The following BBS9 variants were observed in gnomAD, a reference collection of about 807,000 sequenced individuals.
BBS9 encodes Bardet-Biedl syndrome 9.
BBS9 carries 89 observed loss-of-function variants against 117.7 expected under a neutral mutation model. The ratio of observed to expected loss-of-function variants is 0.76; its 90% CI spans 0.64 to 0.90. The LOEUF (loss-of-function observed/expected upper bound fraction) is 0.90. Among genes scored for constraint, BBS9 ranks in the 40% least tolerant of loss-of-function variants. The pLI is 0.00. For missense variants in BBS9, 982 were observed against 1,042.2 expected (o/e 0.94, Z 0.80); for synonymous variants, 379 against 370.9 (o/e 1.02, Z -0.25).
chr7:33,381,511 AT>A, intron 17 of BBS9, among the ~76,000 whole-genome samples: 1 of 152,070 alleles, frequency 6.6e-6, no homozygotes. Flanking sequence ...ATAAGACTAG[AT>A]TTAAAAGGTT....
At chr7:33,313,826 A>G (rs1809853890) in intron 9 of BBS9, among the ~76,000 whole-genome samples, 1 of 152,230 alleles carries the variant, frequency 6.6e-6, no homozygotes, top group Non-Finnish European at 1.5e-5. Flanking sequence ...AGCCATTTAC[A>G]TAAACCTCAA....
chr7:33,248,608 A>G (rs1284243053), intron 5 of BBS9, among the ~76,000 whole-genome samples: 6 of 152,192 alleles, frequency 3.9e-5, no homozygotes, highest in Non-Finnish European at 8.8e-5. Flanking sequence ...TTAAGGCAGT[A>G]TCTGTTGGAA....
intron 21 of BBS9, among the ~76,000 whole-genome samples, chr7:33,591,979 G>C (rs1425193260): frequency 2.0e-5 from 3 of 151,974 alleles, no homozygotes; most frequent in Non-Finnish European, 4.4e-5. Context: ...CATTTTAAAA[G>C]GGATGTGTAC....
intron 19 of BBS9, among the ~76,000 whole-genome samples, chr7:33,403,806 T>C (rs1829398741): frequency 6.6e-6 from 1 of 152,098 alleles, no homozygotes; most frequent in South Asian, 2.1e-4. Context: ...AGCAGCATGA[T>C]TTATAGTCCT....
At chr7:33,194,945 G>A (rs1583570104) in intron 5 of BBS9, among the ~76,000 whole-genome samples, 1 of 152,174 alleles carries the variant, frequency 6.6e-6, no homozygotes, top group Admixed American at 6.5e-5. Flanking sequence ...TTTCATACTG[G>A]GAGACTGGAG....
chr7:33,399,280 T>A (rs6968244), intron 19 of BBS9, among the ~76,000 whole-genome samples: 4,330 of 152,308 alleles, frequency 0.028, 198 homozygotes, highest in African/African-American at 0.093. Flanking sequence ...AGACTATCAC[T>A]GAGCCAATGA....
chr7:33,492,208 AAAAAACAAAAAAAAAAC>A lies in BBS9; in HGVS notation c.2116-13249_2116-13233del, dbSNP rs1844038442. ...ACAAAGCAAGATTCCACCTCGAAAAAAAAAACAAAAAAAAAACAAAAAAAAAACTTGGTTGAGTGTTT... is the reference window on the plus strand; with the variant it reads ...ACAAAGCAAGATTCCACCTCGAAAAAAAAAAAAAAACTTGGTTGAGTGTTT... On this transcript the variant is annotated intron_variant, in intron 19 of 22. Transcript: ENST00000242067. Among the ~76,000 whole-genome samples the A allele has an allele frequency of 3.4e-5, 5 of 147,878 alleles. No homozygotes were observed. The South Asian group carries it at 1.1e-3, about 33-fold the overall frequency.
chr7:33,600,137 A>T (rs1458539722), intron 21 of BBS9, among the ~76,000 whole-genome samples: 2 of 152,206 alleles, frequency 1.3e-5, no homozygotes, highest in African/African-American at 4.8e-5. Flanking sequence ...ATCTAACTTA[A>T]TTATTAGTTA....
chr7:33,364,621 TC>T (rs1821295935), intron 16 of BBS9, among the ~76,000 whole-genome samples: 2 of 118,668 alleles, frequency 1.7e-5, no homozygotes, highest in Non-Finnish European at 3.5e-5. Context: ...TTTTCCCCCT[TC>T]CCCCTCCTCT....
intron 5 of BBS9, among the ~76,000 whole-genome samples, chr7:33,234,215 T>C (rs1304294): frequency 0.15 from 22,518 of 152,096 alleles, 1,985 homozygotes; most frequent in South Asian, 0.23. Flanking sequence ...TATGTATGTA[T>C]GTATAGGAAA....
intron 19 of BBS9, among the ~76,000 whole-genome samples, chr7:33,410,200 G>A (rs1830860791): frequency 6.6e-6 from 1 of 152,150 alleles, no homozygotes. Flanking sequence ...GTGTGTTAAA[G>A]AAGAGATGGC....
At chr7:33,388,175 T>A in intron 19 of BBS9, 31 bp downstream of exon 19, 1 of 1,609,854 alleles carries the variant, frequency 6.2e-7, no homozygotes, top group Non-Finnish European at 8.5e-7. Flanking sequence ...AGTTTTCTAT[T>A]ACTGGCTATA....
intron 21 of BBS9, among the ~76,000 whole-genome samples, chr7:33,565,757 T>C (rs1156824179): frequency 8.3e-6 from 1 of 120,406 alleles, no homozygotes. Context: ...CCCAGATCAA[T>C]ACAAAACATT....
chr7:33,507,532 A>G (rs140767946), intron 20 of BBS9, among the ~76,000 whole-genome samples: 2 of 152,252 alleles, frequency 1.3e-5, no homozygotes, highest in African/African-American at 4.8e-5. Flanking sequence ...GGCGTGAACT[A>G]TCACATCTGG....
At chr7:33,419,155 A>C (rs923751501) in intron 19 of BBS9, among the ~76,000 whole-genome samples, 5 of 152,090 alleles carry the variant, frequency 3.3e-5, no homozygotes, top group Non-Finnish European at 7.4e-5. Flanking sequence ...GTCTTGAGTA[A>C]CCTTTTGCCC....
intron 19 of BBS9, among the ~76,000 whole-genome samples, chr7:33,411,011 G>GTTTTTTTTTTTTTTTTTTTTTTTT (rs765425062): frequency 1.0e-5 from 1 of 96,424 alleles, no homozygotes; most frequent in Non-Finnish European, 2.2e-5. Context: ...AAATGTTGGT[G>GTTTTTTTTTTTTTTTTTTTTTTTT]TTTTTTTTTT....
At chr7:33,146,203 A>G (rs1792317309) in intron 1 of BBS9, 39 bp from the exon 2 acceptor site, 2 of 1,345,436 alleles carry the variant, frequency 1.5e-6, no homozygotes, top group African/African-American at 1.4e-5. Flanking sequence ...TTATTAGTTC[A>G]TAGTGTGAAG....
intron 9 of BBS9, among the ~76,000 whole-genome samples, chr7:33,320,944 A>G (rs2128580735): frequency 6.6e-6 from 1 of 152,166 alleles, no homozygotes; most frequent in South Asian, 2.1e-4. Flanking sequence ...TCTTGTACAT[A>G]TAGATATCCA....
intron 5 of BBS9, among the ~76,000 whole-genome samples, chr7:33,248,931 A>G (rs1353301021): frequency 2.0e-5 from 3 of 152,150 alleles, no homozygotes; most frequent in Admixed American, 1.3e-4. Context: ...TGAACTGCAT[A>G]TATGCTTGGC....
Sources: allele counts gnomAD v4.1 joint callset (sites outside exome capture counted in the v4.1 genomes callset), GRCh38; gene constraint gnomAD v4.1.1; transcripts MANE v1.5; gene names NCBI Gene and HGNC (gene_info 2026-07-23, HGNC 2026-07-21).